The following LYPLA1 variants were observed in gnomAD, a reference collection of about 807,000 sequenced individuals.
LYPLA1 encodes acyl-protein thioesterase 1.
In LYPLA1, 17 loss-of-function variants were observed where a neutral mutation model predicts 34.0. That is an observed-to-expected ratio of 0.50 (90% CI 0.34 to 0.75). The LOEUF is 0.75. LYPLA1 is among the 30% of genes least tolerant of loss of function. The pLI, the probability that LYPLA1 is intolerant of heterozygous loss-of-function variation, is 0.01. For synonymous variants in LYPLA1, 98 were observed against 100.8 expected (o/e 0.97, Z 0.17); for missense variants, 203 against 288.8 (o/e 0.70, Z 2.15).
At chr8:54,052,785 G>A in intron 6 of LYPLA1, 29 bp from the exon 7 acceptor site, 2 of 1,382,752 alleles carry the variant, frequency 1.4e-6, no homozygotes, top group Non-Finnish European at 1.0e-6. Flanking sequence ...AAAGTCAATG[G>A]AACACACATG....
chr8:54,084,137 A>ATATATATATATATACAT (rs1563642470), intron 2 of LYPLA1, among the ~76,000 whole-genome samples: 1 of 120,180 alleles, frequency 8.3e-6, no homozygotes, highest in African/African-American at 4.7e-5. Context: ...AAAAAAAATA[A>ATATATATATATATACAT]ATAAATATAT....
chr8:54,052,146 T>C (rs1397101060), intron 7 of LYPLA1, among the ~76,000 whole-genome samples: 3 of 152,142 alleles, frequency 2.0e-5, no homozygotes, highest in Admixed American at 6.6e-5. Context: ...CCACCGCACC[T>C]GGTCTAAAAA....
At chr8:54,052,457 GGTGGGGAGGCTGTGCATGT>G (rs1441075741) in intron 7 of LYPLA1, among the ~76,000 whole-genome samples, 179 bp downstream of exon 7, 9 of 152,102 alleles carry the variant, frequency 5.9e-5, no homozygotes, top group African/African-American at 1.7e-4. Flanking sequence ...GGATGCTGAT[GGTGGGGAGGCTGTGCATGT>G]GTGGGGACAG....
chr8:54,052,448 G>C (rs141225300), intron 7 of LYPLA1, among the ~76,000 whole-genome samples: 1 of 152,138 alleles, frequency 6.6e-6, no homozygotes, highest in African/African-American at 2.4e-5. Context: ...TGGAGGTGGG[G>C]ATGCTGATGG....
Position 54,051,062 on chromosome 8 carries a change from T to C in LYPLA1, c.589A>G (p.Asn197Asp). ...CCTTCATAGGTTTTAAAGGTCACAT[T>C]GGCTGGATTCACCAATGTTTTTAGT... Reference protein sequence around the residue: ...EKLKTLVNPANVTFKTYEGMM... With the variant: ...EKLKTLVNPADVTFKTYEGMM... Residue 197 changes from asparagine (N) to aspartate (D), a missense_variant, in exon 8 of 9, where the codon AAT (asparagine) becomes GAT (aspartate). Physicochemically the swap from Asn to Asp is conservative, Grantham distance 23. Transcript: ENST00000316963. The C allele has an allele frequency of 6.2e-7, 1 of 1,613,940 alleles. No individual in the cohort carries two copies. Among genetic ancestry groups the C allele is most frequent in the Non-Finnish European group, 8.5e-7 (1 of 1,179,836 alleles).
chr8:54,074,001 G>A (rs1807691691), intron 2 of LYPLA1, among the ~76,000 whole-genome samples: 2 of 152,232 alleles, frequency 1.3e-5, no homozygotes, highest in Admixed American at 1.3e-4. Flanking sequence ...GCAGCCAGGT[G>A]TGGTGACTCA....
At chr8:54,045,161 A>G (rs569034670), downstream of LYPLA1, among the ~76,000 whole-genome samples, 1 of 152,236 alleles carries the variant, frequency 6.6e-6, no homozygotes, top group Non-Finnish European at 1.5e-5. Flanking sequence ...TGATCAGAGG[A>G]CTATATGCTT....
At chr8:54,051,729 G>A (rs924540696) in intron 7 of LYPLA1, among the ~76,000 whole-genome samples, 1 of 151,784 alleles carries the variant, frequency 6.6e-6, no homozygotes, top group East Asian at 1.9e-4. Context: ...GATTACAGGC[G>A]TGAGCCACTG....
intron 2 of LYPLA1, among the ~76,000 whole-genome samples, chr8:54,067,360 T>C (rs1247545638): frequency 6.6e-6 from 1 of 152,110 alleles, no homozygotes; most frequent in African/African-American, 2.4e-5. Flanking sequence ...AATTTTTTAA[T>C]CCAGCAACTT....
At chr8:54,067,000 C>G (rs1313162988) in intron 2 of LYPLA1, among the ~76,000 whole-genome samples, 1 of 151,826 alleles carries the variant, frequency 6.6e-6, no homozygotes, top group East Asian at 1.9e-4. Flanking sequence ...GAAACCCTGT[C>G]TCTACTAAAA....
At chr8:54,075,403 G>T (rs1236880933) in intron 2 of LYPLA1, among the ~76,000 whole-genome samples, 1 of 152,222 alleles carries the variant, frequency 6.6e-6, no homozygotes, top group Non-Finnish European at 1.5e-5. Context: ...GCCAGATGCC[G>T]AGTAAGAGAC....
At chr8:54,072,934 C>CAAA (rs59257354) in intron 2 of LYPLA1, among the ~76,000 whole-genome samples, 2 of 91,716 alleles carry the variant, frequency 2.2e-5, no homozygotes, top group African/African-American at 3.2e-5. Context: ...AAGACTGAAT[C>CAAA]AAAAAAAAAA....
intron 5 of LYPLA1, among the ~76,000 whole-genome samples, chr8:54,057,007 C>T (rs969135506): frequency 2.0e-5 from 3 of 152,058 alleles, no homozygotes; most frequent in Non-Finnish European, 4.4e-5. Flanking sequence ...GAAAAGGTGC[C>T]CAACATCACT....
At chr8:54,078,655 A>C (rs1230671358) in intron 2 of LYPLA1, among the ~76,000 whole-genome samples, 3 of 152,142 alleles carry the variant, frequency 2.0e-5, no homozygotes, top group Non-Finnish European at 4.4e-5. Flanking sequence ...GCTGATCTAG[A>C]CTTGTGACTT....
At chr8:54,088,508 T>C (rs951651331) in intron 2 of LYPLA1, among the ~76,000 whole-genome samples, 3 of 152,202 alleles carry the variant, frequency 2.0e-5, no homozygotes, top group African/African-American at 7.2e-5. Context: ...TGGCCATTTA[T>C]CTTGGCAGAA....
At chr8:54,076,870 G>A (rs1162265527) in intron 2 of LYPLA1, among the ~76,000 whole-genome samples, 2 of 151,982 alleles carry the variant, frequency 1.3e-5, no homozygotes, top group Non-Finnish European at 2.9e-5. Context: ...TAAACATGTG[G>A]GCAAATCTCT....
chr8:54,084,141 A>AAAAAAAAAAAAT (rs1554547936), intron 2 of LYPLA1, among the ~76,000 whole-genome samples: 1 of 118,644 alleles, frequency 8.4e-6, no homozygotes, highest in African/African-American at 4.6e-5. Context: ...AAAATAAATA[A>AAAAAAAAAAAAT]ATATATATAT....
At position 54,053,937 on chromosome 8, in the gene LYPLA1, T is replaced by C. The variant is rs10090273; in HGVS notation, c.360+1123A>G. On this transcript the variant is annotated intron_variant, in intron 6 of 8. Coordinates refer to ENST00000316963, the MANE Select transcript of LYPLA1 (RefSeq NM_006330.4). ...GTTTCTATATACTGTAATGAATGAA[T>C]ATCAAATATACAGACTCCCACATGA... Among the ~76,000 whole-genome samples, 745 of 152,290 alleles carry C rather than the reference T, an allele frequency of 4.9e-3. 5 individuals carry two copies. The highest frequency in any genetic ancestry group is 0.01 in the Middle Eastern group (3 of 294).
At chr8:54,101,354 T>C (rs916449329) in intron 1 of LYPLA1, 16 of 1,059,602 alleles carry the variant, frequency 1.5e-5, no homozygotes, top group African/African-American at 1.7e-5. Context: ...TCTGACCTTG[T>C]AGGACACTCA....
Sources: allele counts gnomAD v4.1 joint callset (sites outside exome capture counted in the v4.1 genomes callset), GRCh38; gene constraint gnomAD v4.1.1; transcripts MANE v1.5; gene names NCBI Gene and HGNC (gene_info 2026-07-23, HGNC 2026-07-21).